Variants in ST3GAL3 observed in about 807,000 individuals in gnomAD.
ST3GAL3 encodes the protein ST3 beta-galactoside alpha-2,3-sialyltransferase 3.
A neutral mutation model predicts 50.1 loss-of-function variants in ST3GAL3; 21 were observed. That is an observed-to-expected ratio of 0.42 (90% CI 0.30 to 0.60). ST3GAL3 has a LOEUF of 0.60. Ranked by LOEUF, ST3GAL3 falls within the 20% of genes least tolerant of loss-of-function variation. ST3GAL3 has a pLI of 0.19. For missense variants in ST3GAL3, 353 were observed against 489.4 expected (o/e 0.72, Z 2.63); for synonymous variants, 183 against 190.0 (o/e 0.96, Z 0.30).
chr1:43,806,401 C>A (rs1039557378), intron 3 of ST3GAL3, among the ~76,000 whole-genome samples: 1 of 151,972 alleles, frequency 6.6e-6, no homozygotes, highest in Non-Finnish European at 1.5e-5. Flanking sequence ...GAGGTTGCCA[C>A]GTGAACCAAG....
chr1:43,857,801 A>T (rs2068878681), intron 5 of ST3GAL3, among the ~76,000 whole-genome samples: 2 of 152,030 alleles, frequency 1.3e-5, no homozygotes, highest in Admixed American at 1.3e-4. Flanking sequence ...TCTTTAGTAG[A>T]AGCGGGGTTT....
chr1:43,753,647 TTACTGTAA>T (rs1686996480), intron 2 of ST3GAL3, among the ~76,000 whole-genome samples: 1 of 152,220 alleles, frequency 6.6e-6, no homozygotes, highest in African/African-American at 2.4e-5. Flanking sequence ...AAACTTCATG[TTACTGTAA>T]TCTATTCTAG....
intron 5 of ST3GAL3, 79 bp downstream of exon 5, chr1:43,838,390 C>A: frequency 1.6e-6 from 2 of 1,280,580 alleles, no homozygotes; most frequent in Non-Finnish European, 2.3e-6. Flanking sequence ...CTCTCACAGC[C>A]AGTCATGTTC....
At chr1:43,861,884 C>T (rs1044697164) in intron 5 of ST3GAL3, among the ~76,000 whole-genome samples, 12 of 152,140 alleles carry the variant, frequency 7.9e-5, no homozygotes, top group African/African-American at 2.9e-4. Context: ...CAAAATTAGC[C>T]GGGCGTGTTG....
chr1:43,900,627 A>G (rs2078137518), intron 9 of ST3GAL3: 1 of 152,316 alleles, frequency 6.6e-6, no homozygotes, highest in Non-Finnish European at 1.5e-5. Flanking sequence ...GGATGGTGAC[A>G]GACGGCCCTC....
intron 11 of ST3GAL3, among the ~76,000 whole-genome samples, chr1:43,926,982 C>T (rs1315641231): frequency 6.6e-6 from 1 of 152,178 alleles, no homozygotes; most frequent in Non-Finnish European, 1.5e-5. Context: ...GTCTCATGCT[C>T]CCACTCCACT....
At chr1:43,714,162 G>A (rs934193163) in intron 1 of ST3GAL3, among the ~76,000 whole-genome samples, 12 of 151,920 alleles carry the variant, frequency 7.9e-5, no homozygotes, top group Admixed American at 7.2e-4. Context: ...TACCCAGGAG[G>A]CTGAGGCAGG....
chr1:43,832,307 G>A (rs1436196130), intron 4 of ST3GAL3, among the ~76,000 whole-genome samples: 1 of 152,240 alleles, frequency 6.6e-6, no homozygotes, highest in Non-Finnish European at 1.5e-5. Context: ...CTAGCAGCAA[G>A]AGCAGAAAGG....
intron 5 of ST3GAL3, chr1:43,879,093 T>G: frequency 2.2e-6 from 1 of 454,536 alleles, no homozygotes; most frequent in Non-Finnish European, 4.4e-6. Flanking sequence ...GACAGAAGAG[T>G]CAGAGAAGAC....
chr1:43,859,569 G>GA (rs1438874270), intron 5 of ST3GAL3, among the ~76,000 whole-genome samples: 2 of 151,454 alleles, frequency 1.3e-5, no homozygotes, highest in Non-Finnish European at 2.9e-5. Flanking sequence ...AAAAAAAAAA[G>GA]AAAAAAAACC....
rs1299251168 is a variant in ST3GAL3 at position 43,828,886 on chromosome 1, A to G, written c.210-9333A>G. ...GGCAGCAGCTTACAAAGTGAACATA[A>G]TATGTTCTAGCAGTCACCCTCCTAA... On this transcript the variant is annotated intron_variant, in intron 4 of 11. Transcript: ENST00000347631. 2.0e-5 allele frequency among the ~76,000 whole-genome samples: 3 copies of G among 152,342 alleles called. No homozygotes were observed. The East Asian group carries it at 5.8e-4, about 29-fold the overall frequency.
chr1:43,916,461 G>A (rs533055753), intron 9 of ST3GAL3: 1 of 152,368 alleles, frequency 6.6e-6, no homozygotes, highest in South Asian at 2.1e-4. Flanking sequence ...TTGCTGGTTT[G>A]GAAGACTGGA....
At chr1:43,756,100 C>CAA (rs139101819) in intron 2 of ST3GAL3, among the ~76,000 whole-genome samples, 28,817 of 71,724 alleles carry the variant, frequency 0.4, 6,892 homozygotes, top group Non-Finnish European at 0.47. Flanking sequence ...GAACCAGTCT[C>CAA]AAAAAAAAAA....
At chr1:43,887,467 A>G (rs1260776176) in intron 5 of ST3GAL3, among the ~76,000 whole-genome samples, 1 of 152,186 alleles carries the variant, frequency 6.6e-6, no homozygotes, top group East Asian at 1.9e-4. Context: ...GAAAGAGAAA[A>G]TAGAACATGA....
At chr1:43,834,190 C>G (rs771780478) in intron 4 of ST3GAL3, among the ~76,000 whole-genome samples, 10 of 152,094 alleles carry the variant, frequency 6.6e-5, no homozygotes, top group Non-Finnish European at 1.2e-4. Flanking sequence ...AAGAAACATT[C>G]TCCCTACAAC....
intron 6 of ST3GAL3, among the ~76,000 whole-genome samples, chr1:43,896,289 C>T (rs370152343): frequency 3.9e-5 from 6 of 152,108 alleles, no homozygotes; most frequent in Admixed American, 1.3e-4. Context: ...CATGACCTCT[C>T]GGCTACCTCT....
intron 1 of ST3GAL3, among the ~76,000 whole-genome samples, chr1:43,732,320 T>C (rs993693072): frequency 6.6e-6 from 1 of 152,224 alleles, no homozygotes; most frequent in Non-Finnish European, 1.5e-5. Flanking sequence ...AGGGCCAATG[T>C]TGGGAGGAGT....
chr1:43,725,439 TCCACCCA>T (rs969147858), intron 1 of ST3GAL3, among the ~76,000 whole-genome samples: 3 of 152,138 alleles, frequency 2.0e-5, no homozygotes, highest in Non-Finnish European at 4.4e-5. Context: ...CCTCAGGTGA[TCCACCCA>T]CCTCGGCGTC....
intron 5 of ST3GAL3, among the ~76,000 whole-genome samples, chr1:43,863,600 A>T (rs538287270): frequency 6.6e-6 from 1 of 152,308 alleles, no homozygotes; most frequent in Non-Finnish European, 1.5e-5. Context: ...CAATTCGGAG[A>T]TCATAAAGAA....
Sources: gnomAD v4.1 joint callset for allele counts (sites outside exome capture counted in the v4.1 genomes callset) on GRCh38, gnomAD v4.1.1 for gene constraint, MANE v1.5 for transcripts, NCBI Gene and HGNC (gene_info 2026-07-23, HGNC 2026-07-21) for gene names.